IL12RB1: variants seen among roughly 807,000 people sequenced by gnomAD.
The protein encoded by IL12RB1 is interleukin 12 receptor subunit beta 1.
A neutral mutation model predicts 94.4 loss-of-function variants in IL12RB1; 64 were observed. The observed-to-expected ratio is 0.68, with a 90% CI of 0.55 to 0.83. The LOEUF (loss-of-function observed/expected upper bound fraction) is 0.83, where lower values mean the gene tolerates loss of function less well. Among genes scored for constraint, IL12RB1 ranks in the 40% least tolerant of loss-of-function variants. The probability of loss-of-function intolerance (pLI) is 0.00; values close to 1 mark genes in which losing one functional copy is unlikely to be tolerated. For synonymous variants in IL12RB1, 362 were observed against 355.5 expected, an observed-to-expected ratio of 1.02 and a Z score of -0.21; for missense variants, 814 against 855.6, an observed-to-expected ratio of 0.95 and a Z score of 0.61.
In IL12RB1 at chr19:18,059,972, T is replaced by C; in HGVS notation, c.1905A>G (p.Thr635=). The change falls in exon 16 of 17, where the codon ACA becomes ACG. Residue 635 remains threonine, a synonymous_variant. Coordinates refer to ENST00000593993, the MANE Select transcript of IL12RB1 (RefSeq NM_005535.3). The part of the protein sequence containing the change: ...KGERTEPLEK[T]ELPEGAPELA... The stretch of plus-strand genomic sequence containing the variant: ...GCTCAGGGGCACCCTCAGGTAGCTC[T>C]GTCTTCTCGAGAGGCTCAGTCCTCT... 1.9e-6 allele frequency: 3 copies of C among 1,600,228 alleles called. No individual in the cohort carries two copies. Among genetic ancestry groups the C allele is most frequent in the South Asian group, 2.2e-5 (2 of 88,916 alleles).
At chr19:18,078,331 C>T (rs2035631765) in intron 4 of IL12RB1, among the ~76,000 whole-genome samples, 1 of 152,096 alleles carries the variant, frequency 6.6e-6, no homozygotes, top group Non-Finnish European at 1.5e-5. Context: ...CGCTTGAACC[C>T]AGGAGGCGGA....
In IL12RB1 at chr19:18,077,615, C is replaced by A. The variant is rs2035586092; in HGVS notation, c.450G>T (p.Lys150Asn). 1 of 1,595,844 alleles carries A rather than the reference C, an allele frequency of 6.3e-7. No individual in the cohort carries two copies. Among genetic ancestry groups the A allele is most frequent in the African/African-American group, 1.3e-5 (1 of 74,538 alleles). ...ACTCCATACGCAGCTGCCCGGCCAA[C>A]TTGGACACCTTGATGTCTCCCAGAG... ...EPPLGDIKVS[K>N]LAGQLRMEWE... Residue 150 changes from lysine to asparagine, a missense_variant, in exon 5 of 17, where the codon AAG (lysine) becomes AAT (asparagine). Transcript: ENST00000593993.
upstream of IL12RB1, among the ~76,000 whole-genome samples, chr19:18,089,173 A>C (rs1475535156): frequency 1.3e-5 from 2 of 151,716 alleles, no homozygotes; most frequent in African/African-American, 2.4e-5. Context: ...ACAGTAGCTG[A>C]GTGGTTGTCA....
intron 1 of IL12RB1, among the ~76,000 whole-genome samples, chr19:18,094,487 G>GA (rs35735332): frequency 1.3e-5 from 2 of 152,216 alleles, no homozygotes; most frequent in Middle Eastern, 3.4e-3. Context: ...TACTTACACT[G>GA]AAAAAACATT....
At chr19:18,095,444 T>C (rs2036846169) in intron 1 of IL12RB1, among the ~76,000 whole-genome samples, 1 of 152,166 alleles carries the variant, frequency 6.6e-6, no homozygotes, top group South Asian at 2.1e-4. Flanking sequence ...ACATGTTATG[T>C]TTTCATTTTT....
At chr19:18,063,814 T>C (rs930769046) in intron 13 of IL12RB1, 62 bp downstream of exon 13, 9 of 1,493,592 alleles carry the variant, frequency 6.0e-6, no homozygotes, top group Admixed American at 1.8e-5. Flanking sequence ...GCTAAGATCA[T>C]TGTGGGAAGC....
chr19:18,089,977 G>A (rs1259130737), upstream of IL12RB1, among the ~76,000 whole-genome samples: 2 of 152,234 alleles, frequency 1.3e-5, no homozygotes, highest in East Asian at 1.9e-4. Flanking sequence ...CTCTGGCCCC[G>A]GGGCCCAGGC....
chr19:18,067,464 T>A (rs2034676790), intron 11 of IL12RB1, among the ~76,000 whole-genome samples: 1 of 151,792 alleles, frequency 6.6e-6, no homozygotes. Context: ...TGCCACTCAG[T>A]CACTGTCATT....
At chr19:18,061,870 A>AAAAAAAAAAAG (rs1354972022) in intron 14 of IL12RB1, among the ~76,000 whole-genome samples, 5 of 147,358 alleles carry the variant, frequency 3.4e-5, no homozygotes, top group African/African-American at 1.3e-4. Flanking sequence ...CTCAAAAAAG[A>AAAAAAAAAAAG]AAAAAAAAAG....
Position 18,061,134 on chromosome 19 carries a change from A to T in IL12RB1, c.1779T>A (p.Pro593=). ...TPCASSAIEF[P]GGKETWQWIN... ...AAGGCATCCTTACCTCCTTCCCTCC[A>T]GGGAACTCAATGGCGGAGCTGGCAC... The change falls in exon 15 of 17, where the codon CCT becomes CCA. Residue 593 remains proline, a synonymous_variant. Coordinates refer to ENST00000593993, the MANE Select transcript of IL12RB1 (RefSeq NM_005535.3). 6.3e-7 allele frequency: 1 copy of T among 1,587,444 alleles called. No homozygotes were observed. The highest frequency in any genetic ancestry group is 8.6e-7 in the Non-Finnish European group (1 of 1,159,564).
At chr19:18,083,290 G>A in intron 2 of IL12RB1, 142 bp downstream of exon 2, 1 of 810,804 alleles carries the variant, frequency 1.2e-6, no homozygotes, top group Non-Finnish European at 2.2e-6. Context: ...TGGGCCAGCA[G>A]GTGGTGGGGT....
upstream of IL12RB1, among the ~76,000 whole-genome samples, chr19:18,091,204 C>G (rs1410463909): frequency 2.0e-5 from 3 of 152,200 alleles, no homozygotes; most frequent in African/African-American, 7.2e-5. Context: ...TCCCCACATC[C>G]CACCTTCCCC....
chr19:18,061,216 C>CTGGGG lies in IL12RB1; in HGVS notation c.1716-20_1716-19insCCCCA. ...TGCGGCCCTGGGGAGGAAAGGGGAC[C>CTGGGG]AGTGAGAGGAGCTGAGGTTTTTTTT... On this transcript the variant is annotated intron_variant, in intron 14 of 16. Coordinates refer to ENST00000593993, the MANE Select transcript of IL12RB1 (RefSeq NM_005535.3). The CTGGGG allele has an allele frequency of 7.2e-7, 1 of 1,383,928 alleles. No individual in the cohort carries two copies. Among genetic ancestry groups the CTGGGG allele is most frequent in the Non-Finnish European group, 9.9e-7 (1 of 1,006,342 alleles). 85.7% of individuals were successfully genotyped at this position (1,383,928 alleles called of 1,614,324 possible). A position where few individuals can be genotyped will look rare whatever the true frequency, so the allele number is the denominator to read the frequency against.
At chr19:18,073,061 A>C (rs913763498) in intron 8 of IL12RB1, among the ~76,000 whole-genome samples, 6 of 152,162 alleles carry the variant, frequency 3.9e-5, no homozygotes, top group African/African-American at 1.4e-4. Flanking sequence ...GACCTGACTA[A>C]GATGACTATG....
chr19:18,095,857 T>C (rs1050050909), intron 1 of IL12RB1, among the ~76,000 whole-genome samples: 20 of 152,156 alleles, frequency 1.3e-4, no homozygotes, highest in African/African-American at 4.8e-4. Context: ...TACTCCAGTG[T>C]CCACACTGTA....
intron 3 of IL12RB1, among the ~76,000 whole-genome samples, 163 bp from the exon 4 acceptor site, chr19:18,081,164 C>T (rs1220270641): frequency 2.0e-5 from 3 of 151,972 alleles, no homozygotes; most frequent in Non-Finnish European, 2.9e-5. Flanking sequence ...CGCGCAATCT[C>T]GGCTCACTGC....
At chr19:18,060,801 G>C (rs1332704791) in intron 15 of IL12RB1, among the ~76,000 whole-genome samples, 1 of 152,120 alleles carries the variant, frequency 6.6e-6, no homozygotes, top group Non-Finnish European at 1.5e-5. Flanking sequence ...AATCAGAGAA[G>C]GCTCAGCCTG....
chr19:18,076,676 G>C (rs569161379), intron 5 of IL12RB1, among the ~76,000 whole-genome samples: 13 of 152,178 alleles, frequency 8.5e-5, no homozygotes, highest in Admixed American at 7.9e-4. Flanking sequence ...AAAGCACTGG[G>C]ATTACAGGCG....
rs374699716 is a variant in IL12RB1, at chr19:18,073,605, A to G, written c.701-6T>C. 270 of 1,591,016 alleles carry G rather than the reference A, an allele frequency of 1.7e-4. No homozygotes were observed. The highest frequency in any genetic ancestry group is 2.3e-4 in the Non-Finnish European group (263 of 1,159,572). On this transcript the variant is annotated splice_region_variant and splice_polypyrimidine_tract_variant and intron_variant, in intron 7 of 16. Transcript: ENST00000593993. ...CTGAGGCTGTGGGGGGTTTTCTGCAATCAGAACCAAACCAACTAGACGAAT... is the reference window on the plus strand; with the variant it reads ...CTGAGGCTGTGGGGGGTTTTCTGCAGTCAGAACCAAACCAACTAGACGAAT...
Sources: allele counts gnomAD v4.1 joint callset (sites outside exome capture counted in the v4.1 genomes callset), GRCh38; gene constraint gnomAD v4.1.1; transcripts MANE v1.5; gene names NCBI Gene and HGNC (gene_info 2026-07-23, HGNC 2026-07-21).